The following MYLK4 variants were observed in gnomAD, a reference collection of about 807,000 sequenced individuals.
MYLK4 encodes myosin light chain kinase family member 4, also known as caMLCK like.
In MYLK4, 46 loss-of-function variants were observed where a neutral mutation model predicts 48.1. The ratio of observed to expected loss-of-function variants is 0.96; its 90% CI spans 0.75 to 1.22. The LOEUF (loss-of-function observed/expected upper bound fraction) is 1.22. MYLK4 is among the 50% of genes most tolerant of loss of function. MYLK4 has a pLI of 0.00. For synonymous variants in MYLK4, 170 were observed against 180.8 expected (o/e 0.94, Z 0.48); for missense variants, 451 against 486.1 (o/e 0.93, Z 0.68).
At chr6:2,695,891 G>T (rs1204891994) in intron 2 of MYLK4, among the ~76,000 whole-genome samples, 1 of 152,176 alleles carries the variant, frequency 6.6e-6, no homozygotes, top group African/African-American at 2.4e-5. Flanking sequence ...CGATTAAAGA[G>T]CACAGGACCA....
intron 3 of MYLK4, among the ~76,000 whole-genome samples, chr6:2,691,452 T>G (rs1761794938): frequency 6.6e-6 from 1 of 152,252 alleles, no homozygotes; most frequent in Non-Finnish European, 1.5e-5. Context: ...TTCATTTTAA[T>G]TGGCTATAAT....
the MYLK4 span, among the ~76,000 whole-genome samples, chr6:2,764,071 G>A: frequency 6.6e-6 from 1 of 152,236 alleles, no homozygotes; most frequent in African/African-American, 2.4e-5. Context: ...GGCGGAGGTT[G>A]CCGTGAGCTG....
intron 2 of MYLK4, among the ~76,000 whole-genome samples, chr6:2,704,660 A>G (rs1334111463): frequency 6.6e-6 from 1 of 152,202 alleles, no homozygotes; most frequent in Non-Finnish European, 1.5e-5. Flanking sequence ...ATGGGAAATG[A>G]GGTTAGAGTT....
At position 2,688,923 on chromosome 6, in the gene MYLK4, T is replaced by A; in HGVS notation, c.269A>T (p.His90Leu). The A allele has an allele frequency of 2.5e-6, 4 of 1,614,190 alleles. No homozygotes were observed. Among genetic ancestry groups the A allele is most frequent in the Non-Finnish European group, 2.5e-6 (3 of 1,180,034 alleles). ...DIPAPPAPFD[H>L]RIVTAKQGAV... ...TCCTTGCTTGGCTGTCACAATACGA[T>A]GATCAAATGGGGCCGGAGGAGCCGG... Residue 90 changes from histidine (H) to leucine (L), a missense_variant, in exon 4 of 13, where the codon CAT (histidine) becomes CTT (leucine). His to Leu is a moderately conservative substitution (Grantham distance 99). Coordinates refer to ENST00000274643, the MANE Select transcript of MYLK4 (RefSeq NM_001012418.5).
intron 2 of MYLK4, among the ~76,000 whole-genome samples, chr6:2,732,934 A>T (rs1763528551): frequency 1.3e-5 from 2 of 152,112 alleles, no homozygotes; most frequent in Admixed American, 1.3e-4. Context: ...CTATTTGTGG[A>T]CGTGCTTAGA....
At chr6:2,762,943 C>G in the MYLK4 span, among the ~76,000 whole-genome samples, 1,875 of 152,282 alleles carry the variant, frequency 0.012, 29 homozygotes, top group South Asian at 0.062. Context: ...TAAGACAATT[C>G]AGACCCAAAC....
At chr6:2,750,975 C>T (rs1406988080), upstream of MYLK4, 2 of 152,616 alleles carry the variant, frequency 1.3e-5, no homozygotes, top group African/African-American at 2.4e-5. Context: ...TCTCACGTTG[C>T]TCAGCTGTTG....
intron 2 of MYLK4, among the ~76,000 whole-genome samples, chr6:2,709,772 C>T (rs1762610515): frequency 6.6e-6 from 1 of 152,164 alleles, no homozygotes; most frequent in Non-Finnish European, 1.5e-5. Flanking sequence ...AATTCTGTAG[C>T]CCCAGCCAAG....
chr6:2,725,270 C>T (rs771681457), intron 2 of MYLK4, among the ~76,000 whole-genome samples: 1 of 152,024 alleles, frequency 6.6e-6, no homozygotes, highest in African/African-American at 2.4e-5. Flanking sequence ...CCAACCTGGG[C>T]AAGATAGGGA....
rs764245515 is a variant in MYLK4 at position 2,678,235 on chromosome 6, A to G, written c.1025T>C (p.Leu342Pro). 6 of 1,614,028 alleles carry G rather than the reference A, an allele frequency of 3.7e-6. No homozygotes were observed. The highest frequency in any genetic ancestry group is 4.2e-6 in the Non-Finnish European group (5 of 1,179,972). Residue 342 changes from leucine (L) to proline (P), a missense_variant, in exon 10 of 13, where the codon CTG becomes CCG. Coordinates refer to ENST00000274643, the MANE Select transcript of MYLK4 (RefSeq NM_001012418.5). ...EEAKEFISKL[L>P]IKEKSWRISA... ...CTTGCGTTACCTCTTCTCCTTAATC[A>G]GAAGCTTAGAGATGAACTCCTTGGC...
intron 1 of MYLK4, among the ~76,000 whole-genome samples, chr6:2,749,989 A>G (rs1473682983): frequency 6.7e-6 from 1 of 150,214 alleles, no homozygotes; most frequent in African/African-American, 2.5e-5. Context: ...CGAGAAGTTC[A>G]GAGTCTTTTC....
intron 2 of MYLK4, among the ~76,000 whole-genome samples, chr6:2,716,508 A>G (rs1762872376): frequency 6.6e-6 from 1 of 152,214 alleles, no homozygotes; most frequent in Non-Finnish European, 1.5e-5. Flanking sequence ...ATTCTATTTC[A>G]GTTATTTTCT....
the MYLK4 span, chr6:2,770,188 C>T: frequency 1.9e-6 from 3 of 1,614,192 alleles, no homozygotes; most frequent in Non-Finnish European, 2.5e-6. Flanking sequence ...AAAACCCTTC[C>T]TTCCAGGTCA....
At chr6:2,707,104 C>T (rs149611223) in intron 2 of MYLK4, among the ~76,000 whole-genome samples, 3 of 152,130 alleles carry the variant, frequency 2.0e-5, no homozygotes, top group African/African-American at 7.2e-5. Context: ...GGACAGTATA[C>T]GTTTTTCTTC....
intron 2 of MYLK4, among the ~76,000 whole-genome samples, chr6:2,717,322 G>T (rs571232473): frequency 1.6e-5 from 2 of 127,938 alleles, no homozygotes; most frequent in Middle Eastern, 7.2e-3. Flanking sequence ...ATCTGTAAAT[G>T]AGCTAGTATA....
the MYLK4 span, chr6:2,765,474 G>C: frequency 1.7e-5 from 18 of 1,036,380 alleles, no homozygotes; most frequent in Admixed American, 4.5e-5. Context: ...CGTGAGGCAT[G>C]AGCGGCGCCC....
At chr6:2,753,488 C>T (rs527592434), upstream of MYLK4, among the ~76,000 whole-genome samples, 32 of 152,226 alleles carry the variant, frequency 2.1e-4, no homozygotes, top group African/African-American at 6.5e-4. Flanking sequence ...CCACTGAATA[C>T]GACCCATAAA....
chr6:2,706,088 C>T (rs1362239683), intron 2 of MYLK4, among the ~76,000 whole-genome samples: 2 of 152,216 alleles, frequency 1.3e-5, no homozygotes, highest in Admixed American at 6.5e-5. Flanking sequence ...TTTTCCCACA[C>T]TTTCATCTTT....
chr6:2,742,423 G>A (rs537957257), intron 2 of MYLK4, among the ~76,000 whole-genome samples: 237 of 152,016 alleles, frequency 1.6e-3, no homozygotes, highest in African/African-American at 5.3e-3. Flanking sequence ...GCACACGTAT[G>A]TTTACTGTGG....
Sources: allele counts gnomAD v4.1 joint callset (sites outside exome capture counted in the v4.1 genomes callset), GRCh38; gene constraint gnomAD v4.1.1; transcripts MANE v1.5; gene names NCBI Gene and HGNC (gene_info 2026-07-23, HGNC 2026-07-21).